The following ZFAT variants were observed in gnomAD, a reference collection of about 807,000 sequenced individuals.
The protein encoded by ZFAT is zinc finger and AT-hook domain containing, also known as zinc finger protein ZFAT.
Under a neutral mutation model 117.7 loss-of-function variants are expected in ZFAT, and 64 were observed. The ratio of observed to expected loss-of-function variants is 0.54; its 90% CI spans 0.44 to 0.67. ZFAT has a LOEUF of 0.67. Ranked by LOEUF, ZFAT falls within the 30% of genes least tolerant of loss-of-function variation. The probability of loss-of-function intolerance (pLI) is 0.00; values close to 1 mark genes in which losing one functional copy is unlikely to be tolerated. For synonymous variants in ZFAT, 679 were observed against 615.0 expected, an observed-to-expected ratio of 1.10 and a Z score of -1.54; for missense variants, 1,433 against 1,584.5, an observed-to-expected ratio of 0.90 and a Z score of 1.62.
At chr8:134,538,705 G>A (rs1210976564) in intron 11 of ZFAT, among the ~76,000 whole-genome samples, 8 of 150,416 alleles carry the variant, frequency 5.3e-5, no homozygotes, top group African/African-American at 7.3e-5. Flanking sequence ...GTTGAGGCAC[G>A]AGAATTGCTT....
At chr8:134,755,134 T>C in the ZFAT span, among the ~76,000 whole-genome samples, 1 of 151,882 alleles carries the variant, frequency 6.6e-6, no homozygotes, top group Non-Finnish European at 1.5e-5. Context: ...CTGGGCGTGG[T>C]GGCTCACGCC....
intron 2 of ZFAT, among the ~76,000 whole-genome samples, chr8:134,655,563 G>A (rs541659334): frequency 2.6e-5 from 4 of 151,910 alleles, no homozygotes; most frequent in African/African-American, 9.7e-5. Flanking sequence ...TGAGAGGAAC[G>A]CTTGAGCCCA....
chr8:134,662,482 C>T (rs145663889), intron 1 of ZFAT, among the ~76,000 whole-genome samples: 196 of 152,234 alleles, frequency 1.3e-3, no homozygotes, highest in Non-Finnish European at 2.0e-3. Context: ...ACACTGGTAA[C>T]CTCAAAAAGT....
intron 13 of ZFAT, among the ~76,000 whole-genome samples, chr8:134,519,740 G>A (rs1459344733): frequency 1.3e-5 from 2 of 152,124 alleles, no homozygotes; most frequent in Admixed American, 1.3e-4. Flanking sequence ...CAGAGCCACC[G>A]GGCACTCTTG....
chr8:134,695,231 C>A (rs1278726699), intron 1 of ZFAT, among the ~76,000 whole-genome samples: 1 of 151,996 alleles, frequency 6.6e-6, no homozygotes. Flanking sequence ...AAGGCCCTCG[C>A]AGACGCTCTG....
At chr8:134,536,060 G>C (rs888418047) in intron 11 of ZFAT, among the ~76,000 whole-genome samples, 2 of 152,196 alleles carry the variant, frequency 1.3e-5, no homozygotes, top group African/African-American at 4.8e-5. Context: ...ACAGCTTCCT[G>C]TGAGTTCAGC....
In ZFAT at chr8:134,610,617, C is replaced by T. The variant is rs1188046658; in HGVS notation, c.487G>A (p.Glu163Lys). 6.2e-7 allele frequency: 1 copy of T among 1,614,190 alleles called. No individual in the cohort carries two copies. Among genetic ancestry groups the T allele is most frequent in the Admixed American group, 1.7e-5 (1 of 60,024 alleles). ...TTCGAGGCTTTTTCCCGATCATCTT[C>T]CTTACACTTCTTTTCTAGTTCAAGG... ...SDLELEKKCK[E>K]DDREKASKRP... The change falls in exon 4 of 16, where the codon GAA (glutamate) becomes AAA (lysine). Residue 163 changes from glutamate (E) to lysine (K), a missense_variant. By Grantham distance (56) the Glu-to-Lys change is moderately conservative. Coordinates refer to ENST00000377838, the MANE Select transcript of ZFAT (RefSeq NM_020863.4).
chr8:134,613,424 C>G (rs1465819150), intron 3 of ZFAT, among the ~76,000 whole-genome samples: 1 of 152,172 alleles, frequency 6.6e-6, no homozygotes, highest in Non-Finnish European at 1.5e-5. Context: ...GGGGGCTGGA[C>G]GTGGGTGAAG....
chr8:134,636,923 T>C (rs1251639375), intron 3 of ZFAT, among the ~76,000 whole-genome samples: 3 of 152,364 alleles, frequency 2.0e-5, no homozygotes, highest in East Asian at 3.9e-4. Context: ...GAATGCCCAC[T>C]GAAATCTAGT....
At chr8:134,832,165 G>C in the ZFAT span, among the ~76,000 whole-genome samples, 1 of 150,724 alleles carries the variant, frequency 6.6e-6, no homozygotes. Flanking sequence ...GGCGCGGCGA[G>C]AGCTGGGGAT....
intron 1 of ZFAT, among the ~76,000 whole-genome samples, chr8:134,667,555 A>ATATACACC (rs71274893): frequency 6.8e-6 from 1 of 146,952 alleles, no homozygotes; most frequent in Non-Finnish European, 1.5e-5. Flanking sequence ...ACCAGGGCAC[A>ATATACACC]TATGTAACAA....
At chr8:134,717,506 C>G (rs1430046441), upstream of ZFAT, among the ~76,000 whole-genome samples, 1 of 7,758 alleles carries the variant, frequency 1.3e-4, no homozygotes, top group Non-Finnish European at 7.4e-4. Context: ...TTTTTTGAGA[C>G]GGAGTCTCAC....
rs1205337038 is a variant in ZFAT at position 134,601,587 on chromosome 8, C to A, written c.2132G>T (p.Gly711Val). The change falls in exon 6 of 16, where the codon GGC becomes GTC. Residue 711 changes from glycine to valine, a missense_variant. Transcript: ENST00000377838. ...SCKAAPEHRSGITAFMKVLNS... is the reference protein window; with the variant it reads ...SCKAAPEHRSVITAFMKVLNS... Reference sequence around the variant, plus strand: ...CAGGACCTTCATGAAAGCGGTGATGCCTGACCGGTGCTCAGGGGCAGCTTT... The same window carrying A: ...CAGGACCTTCATGAAAGCGGTGATGACTGACCGGTGCTCAGGGGCAGCTTT... 3 of 1,614,226 alleles carry A rather than the reference C, an allele frequency of 1.9e-6. No homozygotes were observed. Among genetic ancestry groups the A allele is most frequent in the East Asian group, 4.5e-5 (2 of 44,882 alleles).
At chr8:134,555,546 C>T (rs1229077922) in intron 11 of ZFAT, among the ~76,000 whole-genome samples, 1 of 152,118 alleles carries the variant, frequency 6.6e-6, no homozygotes, top group Non-Finnish European at 1.5e-5. Flanking sequence ...ATATACTTTC[C>T]CAAGGCCAAC....
chr8:134,598,310 G>C (rs1369642100), intron 7 of ZFAT: 4 of 152,354 alleles, frequency 2.6e-5, no homozygotes, highest in Non-Finnish European at 5.9e-5. Flanking sequence ...TGACCCACAG[G>C]ATAAAGACAG....
At chr8:134,748,723 C>T in the ZFAT span, among the ~76,000 whole-genome samples, 1,098 of 152,302 alleles carry the variant, frequency 7.2e-3, 36 homozygotes, top group Admixed American at 0.056. Flanking sequence ...CTAGCCAACA[C>T]GCAGTATTGT....
chr8:134,819,947 CAT>C, the ZFAT span, among the ~76,000 whole-genome samples: 10 of 152,168 alleles, frequency 6.6e-5, no homozygotes, highest in South Asian at 2.1e-3. Flanking sequence ...GAGAAGCACA[CAT>C]AGACATGACA....
chr8:134,491,553 C>T (rs563360591), intron 15 of ZFAT, among the ~76,000 whole-genome samples: 7 of 152,334 alleles, frequency 4.6e-5, no homozygotes, highest in South Asian at 2.1e-4. Flanking sequence ...GCTGTGATCC[C>T]GGCTGGAGAC....
the ZFAT span, among the ~76,000 whole-genome samples, chr8:134,786,806 C>A: frequency 6.6e-6 from 1 of 150,920 alleles, no homozygotes; most frequent in East Asian, 1.9e-4. Context: ...TAATTTTATC[C>A]GTTTTCATGC....
Sources: allele counts gnomAD v4.1 joint callset (sites outside exome capture counted in the v4.1 genomes callset), GRCh38; gene constraint gnomAD v4.1.1; transcripts MANE v1.5; gene names NCBI Gene and HGNC (gene_info 2026-07-23, HGNC 2026-07-21).